GABRB1: variants seen among roughly 807,000 people sequenced by gnomAD.
GABRB1 encodes gamma-aminobutyric acid type A receptor subunit beta1.
Under a neutral mutation model 51.6 loss-of-function variants are expected in GABRB1, and 17 were observed. That is an observed-to-expected ratio of 0.33 (90% CI 0.23 to 0.49). The LOEUF (loss-of-function observed/expected upper bound fraction) is 0.49, where lower values mean the gene tolerates loss of function less well. GABRB1 is among the 20% of genes least tolerant of loss of function. The probability of loss-of-function intolerance (pLI) is 0.99; values close to 1 mark genes in which losing one functional copy is unlikely to be tolerated. For missense variants in GABRB1, 410 were observed against 600.6 expected, an observed-to-expected ratio of 0.68 and a Z score of 3.32; for synonymous variants, 247 against 218.9, an observed-to-expected ratio of 1.13 and a Z score of -1.14.
intron 1 of GABRB1, among the ~76,000 whole-genome samples, chr4:47,013,735 A>G (rs1024755326): frequency 4.6e-5 from 7 of 152,148 alleles, no homozygotes; most frequent in East Asian, 1.9e-4. Context: ...CCTAGATTCT[A>G]TTTTTTGTTA....
intron 5 of GABRB1, among the ~76,000 whole-genome samples, chr4:47,330,622 C>A (rs991213683): frequency 6.6e-6 from 1 of 151,980 alleles, no homozygotes; most frequent in Non-Finnish European, 1.5e-5. Context: ...TGGCCACATA[C>A]CAGAAATAAT....
chr4:47,350,250 A>T, intron 5 of GABRB1, among the ~76,000 whole-genome samples: 1 of 103,326 alleles, frequency 9.7e-6, no homozygotes, highest in South Asian at 3.4e-4. Context: ...GAGAGGTTTT[A>T]AGGCATTCAT....
At chr4:47,108,579 C>T (rs1186827740) in intron 3 of GABRB1, among the ~76,000 whole-genome samples, 2 of 151,992 alleles carry the variant, frequency 1.3e-5, no homozygotes, top group Non-Finnish European at 2.9e-5. Context: ...AATCTTCCAC[C>T]TAATCAAGTT....
At chr4:47,259,011 T>A (rs1722323051) in intron 4 of GABRB1, among the ~76,000 whole-genome samples, 1 of 152,160 alleles carries the variant, frequency 6.6e-6, no homozygotes, top group Non-Finnish European at 1.5e-5. Context: ...TTCCAGGTCA[T>A]GTCCATCCAT....
chr4:47,228,632 A>G (rs1279932711), intron 4 of GABRB1, among the ~76,000 whole-genome samples: 1 of 152,102 alleles, frequency 6.6e-6, no homozygotes, highest in Non-Finnish European at 1.5e-5. Flanking sequence ...AGTCTCCAAC[A>G]TAGTTGCTAC....
chr4:47,346,048 A>C (rs1726076816), intron 5 of GABRB1, among the ~76,000 whole-genome samples: 1 of 56,562 alleles, frequency 1.8e-5, no homozygotes, highest in Admixed American at 1.9e-4. Context: ...TGAAAATGGC[A>C]AAAAAAAAAG....
At chr4:47,318,167 C>G (rs1386757008) in intron 4 of GABRB1, among the ~76,000 whole-genome samples, 4 of 151,946 alleles carry the variant, frequency 2.6e-5, no homozygotes. Context: ...TCAGTCCTCT[C>G]ATTAATCAAA....
chr4:47,268,544 A>C (rs1161454796), intron 4 of GABRB1, among the ~76,000 whole-genome samples: 1 of 152,200 alleles, frequency 6.6e-6, no homozygotes, highest in Admixed American at 6.5e-5. Context: ...AGAAGGTAAG[A>C]GTATCATTTA....
chr4:47,025,100 A>C (rs1725049091), intron 1 of GABRB1, among the ~76,000 whole-genome samples: 1 of 150,464 alleles, frequency 6.6e-6, no homozygotes, highest in Non-Finnish European at 1.5e-5. Context: ...TCACATATAT[A>C]TATCATATAT....
chr4:47,127,509 C>T (rs1027798193), intron 3 of GABRB1, among the ~76,000 whole-genome samples: 7 of 151,740 alleles, frequency 4.6e-5, no homozygotes, highest in African/African-American at 1.7e-4. Context: ...TTCACCGCCA[C>T]CACCATATCT....
intron 3 of GABRB1, among the ~76,000 whole-genome samples, chr4:47,099,776 C>CA (rs1480729355): frequency 6.6e-6 from 1 of 151,544 alleles, no homozygotes; most frequent in African/African-American, 2.4e-5. Flanking sequence ...CAAGTGTATT[C>CA]AAAACTGAGA....
At chr4:47,151,557 T>C (rs1717456418) in intron 3 of GABRB1, among the ~76,000 whole-genome samples, 1 of 152,042 alleles carries the variant, frequency 6.6e-6, no homozygotes, top group African/African-American at 2.4e-5. Context: ...ATTCTGGTCA[T>C]GTAGTCATAG....
intron 3 of GABRB1, among the ~76,000 whole-genome samples, chr4:47,099,118 T>C (rs1714604928): frequency 6.6e-6 from 1 of 152,078 alleles, no homozygotes; most frequent in African/African-American, 2.4e-5. Flanking sequence ...TGGTAAGGAA[T>C]CTCTTTCTTG....
chr4:47,079,124 C>T (rs1414542151), intron 3 of GABRB1, among the ~76,000 whole-genome samples: 2 of 152,266 alleles, frequency 1.3e-5, no homozygotes, highest in East Asian at 1.9e-4. Context: ...ATGCTGGCCT[C>T]ATAAAATGAG....
chr4:47,105,238 A>G (rs376439837), intron 3 of GABRB1, among the ~76,000 whole-genome samples: 23 of 152,202 alleles, frequency 1.5e-4, no homozygotes, highest in African/African-American at 3.9e-4. Context: ...GTTTTTCTCA[A>G]TGATTACTCC....
At chr4:47,251,271 A>T (rs183653602) in intron 4 of GABRB1, among the ~76,000 whole-genome samples, 61 of 152,288 alleles carry the variant, frequency 4.0e-4, no homozygotes, top group African/African-American at 1.3e-3. Context: ...TACTGGAGTT[A>T]TCTGCACAGA....
chr4:47,024,497 C>T (rs28444100), intron 1 of GABRB1, among the ~76,000 whole-genome samples: 3,648 of 151,866 alleles, frequency 0.024, 131 homozygotes, highest in African/African-American at 0.084. Context: ...GACATGCGAC[C>T]GAAGAAAATA....
At chr4:47,092,165 C>CTTTCTTTT (rs1266241414) in intron 3 of GABRB1, among the ~76,000 whole-genome samples, 1 of 60,504 alleles carries the variant, frequency 1.7e-5, no homozygotes, top group African/African-American at 7.0e-5. Flanking sequence ...TTCTTTCTTT[C>CTTTCTTTT]TTTTTTTTTT....
chr4:47,219,873 T>C (rs1483834176), intron 4 of GABRB1, among the ~76,000 whole-genome samples: 1 of 151,958 alleles, frequency 6.6e-6, no homozygotes, highest in Admixed American at 6.6e-5. Context: ...TTTTTTTCAG[T>C]TCTTTCAGAT....
Sources: gnomAD v4.1 joint callset for allele counts (sites outside exome capture counted in the v4.1 genomes callset) on GRCh38, gnomAD v4.1.1 for gene constraint, MANE v1.5 for transcripts, NCBI Gene and HGNC (gene_info 2026-07-23, HGNC 2026-07-21) for gene names.